MGST1: variants seen among roughly 807,000 people sequenced by gnomAD.
MGST1 encodes microsomal glutathione S-transferase 1.
Under a neutral mutation model 8.9 loss-of-function variants are expected in MGST1, and 5 were observed. That is an observed-to-expected ratio of 0.56 (90% confidence interval 0.29 to 1.19). The LOEUF is 1.19. Ranked by LOEUF, MGST1 falls within the 50% of genes most tolerant of loss-of-function variation. The probability of loss-of-function intolerance (pLI) is 0.08; values close to 1 mark genes in which losing one functional copy is unlikely to be tolerated. For missense variants in MGST1, 182 were observed against 187.4 expected (o/e 0.97, Z 0.17); for synonymous variants, 54 against 67.8 (o/e 0.80, Z 1.00).
intron 4 of MGST1, among the ~76,000 whole-genome samples, chr12:16,564,592 A>T (rs1185077807): frequency 6.6e-6 from 1 of 152,210 alleles, no homozygotes; most frequent in Non-Finnish European, 1.5e-5. Context: ...ATGTTTCTAT[A>T]GATTTTTTTA....
intron 4 of MGST1, among the ~76,000 whole-genome samples, chr12:16,480,142 C>CTTTT (rs57998683): frequency 2.3e-5 from 3 of 129,938 alleles, no homozygotes; most frequent in African/African-American, 5.7e-5. Context: ...TAAAAATTTG[C>CTTTT]TTTTTTTTTT....
rs143428582 is a variant in MGST1 at position 16,547,641 on chromosome 12, A to G, written n.483-41887A>G. On this transcript the variant is annotated intron_variant and non_coding_transcript_variant, in intron 4 of 4. Transcript: ENST00000538857. This position sits in a 1 kb window ranked among gnomAD's most constrained non-coding sequence, Gnocchi z 4.6. ...CATAGTAGGTGCGCAATAAATGTCA[A>G]TTAAACTAATGACTATTAAATCTCT... Among the ~76,000 whole-genome samples, 6 of 152,290 alleles carry G rather than the reference A, an allele frequency of 3.9e-5. No individual in the cohort carries two copies. The highest frequency in any genetic ancestry group is 7.2e-5 in the African/African-American group (3 of 41,562).
intron 1 of MGST1, among the ~76,000 whole-genome samples, chr12:16,390,176 T>C (rs1012537): frequency 0.61 from 93,048 of 151,710 alleles, 29,705 homozygotes; most frequent in East Asian, 0.96. Flanking sequence ...CTAAACCTTA[T>C]GTAATTTGAG....
At position 16,364,111 on chromosome 12, in the gene MGST1, T is replaced by C; in HGVS notation, c.*70T>C. 1 of 1,499,580 alleles carries C rather than the reference T, an allele frequency of 6.7e-7. No homozygotes were observed. The highest frequency in any genetic ancestry group is 8.9e-7 in the Non-Finnish European group (1 of 1,123,386). 92.9% of individuals were successfully genotyped at this position (1,499,580 alleles called of 1,614,324 possible). On this transcript the variant is annotated 3_prime_UTR_variant, in exon 4 of 4. Transcript: ENST00000396210. This position sits in a 1 kb window ranked among gnomAD's most constrained non-coding sequence, Gnocchi z 5.7. ...TGTACTTCCAATTTATAATGAATAC[T>C]TTCTTAGATTTTAGGTAGGAGGGGA...
intron 1 of MGST1, among the ~76,000 whole-genome samples, chr12:16,420,804 C>T (rs771121311): frequency 6.6e-6 from 1 of 152,152 alleles, no homozygotes; most frequent in Non-Finnish European, 1.5e-5. Context: ...TTAGCTGAGG[C>T]TTCTTAGCAG....
intron 4 of MGST1, among the ~76,000 whole-genome samples, chr12:16,541,793 C>T (rs1941794857): frequency 6.6e-6 from 1 of 152,068 alleles, no homozygotes. Flanking sequence ...TTCTTTAAAT[C>T]AGGCTAAGTA....
At chr12:16,400,679 T>C (rs1940647285) in intron 1 of MGST1, 7 of 1,499,116 alleles carry the variant, frequency 4.7e-6, no homozygotes, top group Middle Eastern at 2.3e-4. Context: ...GTTGCCTTCA[T>C]TCCTGCCCAG....
intron 4 of MGST1, among the ~76,000 whole-genome samples, chr12:16,543,158 A>G (rs1941802192): frequency 6.6e-6 from 1 of 152,194 alleles, no homozygotes. Flanking sequence ...TCTGACATGC[A>G]GAAGGTGCCC....
Position 16,585,516 on chromosome 12 carries a change from A to C in MGST1, n.483-4012A>C, listed in dbSNP as rs1943291520. On this transcript the variant is annotated intron_variant and non_coding_transcript_variant, in intron 4 of 4. Coordinates refer to the MGST1 transcript ENST00000538857. This position sits in a 1 kb window ranked among gnomAD's most constrained non-coding sequence, Gnocchi z 4.7. ...TTCACCTAATTTTACATATAATTGC[A>C]GATTAGAAAACTAATTTCATCACAA... Among the ~76,000 whole-genome samples, 1 of 152,214 alleles carries C rather than the reference A, an allele frequency of 6.6e-6. No homozygotes were observed. Among genetic ancestry groups the C allele is most frequent in the South Asian group, 2.1e-4 (1 of 4,832 alleles).
At chr12:16,569,520 G>A (rs929877766) in intron 4 of MGST1, among the ~76,000 whole-genome samples, 1 of 152,126 alleles carries the variant, frequency 6.6e-6, no homozygotes, top group Non-Finnish European at 1.5e-5. Context: ...TTACGAGCAG[G>A]TGTTACTGCT....
At chr12:16,356,118 C>T (rs889214787) in intron 2 of MGST1, among the ~76,000 whole-genome samples, 1 of 152,148 alleles carries the variant, frequency 6.6e-6, no homozygotes, top group African/African-American at 2.4e-5. Context: ...ACCTAATTAC[C>T]TCCCAAAGGC....
intron 1 of MGST1, among the ~76,000 whole-genome samples, chr12:16,417,555 C>A (rs558312435): frequency 6.6e-6 from 1 of 152,074 alleles, no homozygotes; most frequent in Non-Finnish European, 1.5e-5. Context: ...CAGTGCCCTG[C>A]CAATGGAGAG....
At position 16,546,329 on chromosome 12, in the gene MGST1, G is replaced by A. The variant is rs951036399; in HGVS notation, n.483-43199G>A. ...GGCCACTAAATTTGGTATAGTTAAT[G>A]CCAACCACTTTGCCCGTAAAGCCAA... On this transcript the variant is annotated intron_variant and non_coding_transcript_variant, in intron 4 of 4. Transcript: ENST00000538857. The surrounding 1 kb of genome is among the most constrained non-coding windows in gnomAD (Gnocchi z 4.7). Among the ~76,000 whole-genome samples, 4 of 152,084 alleles carry A rather than the reference G, an allele frequency of 2.6e-5. No individual in the cohort carries two copies. Among genetic ancestry groups the A allele is most frequent in the African/African-American group, 9.7e-5 (4 of 41,424 alleles).
chr12:16,545,426 A>G (rs1941817836), intron 4 of MGST1, among the ~76,000 whole-genome samples: 1 of 152,068 alleles, frequency 6.6e-6, no homozygotes, highest in African/African-American at 2.4e-5. Flanking sequence ...TCTGACATAT[A>G]TAGTTTTTCT....
intron 4 of MGST1, among the ~76,000 whole-genome samples, chr12:16,566,709 C>T (rs890242598): frequency 8.6e-5 from 13 of 152,010 alleles, no homozygotes; most frequent in African/African-American, 2.9e-4. Context: ...TCTTTATTAA[C>T]ACATACAGAT....
intron 4 of MGST1, among the ~76,000 whole-genome samples, chr12:16,564,793 G>T (rs562648865): frequency 1.5e-4 from 23 of 152,244 alleles, no homozygotes; most frequent in African/African-American, 5.1e-4. Flanking sequence ...CATAAATTTA[G>T]AAGTTATTTT....
Position 16,401,774 on chromosome 12 carries a change from T to G in MGST1, n.778+18170T>G. On this transcript the variant is annotated intron_variant and non_coding_transcript_variant, in intron 1 of 1. Transcript: ENST00000359720. The surrounding 1 kb of genome is among the most constrained non-coding windows in gnomAD (Gnocchi z 4.3). ...CGGCCTTTTCCACAGACTCAGCCAG[T>G]TTGCTGTGTCAAACTTTCTCATCTG... 1 of 1,600,850 alleles carries G rather than the reference T, an allele frequency of 6.2e-7. No individual in the cohort carries two copies. Among genetic ancestry groups the G allele is most frequent in the Non-Finnish European group, 8.6e-7 (1 of 1,167,878 alleles).
chr12:16,369,468 A>C lies in MGST1; in HGVS notation c.222-6654A>C, dbSNP rs575167596. Among the ~76,000 whole-genome samples, 57 of 152,290 alleles carry C rather than the reference A, an allele frequency of 3.7e-4. No individual in the cohort carries two copies. The highest frequency in any genetic ancestry group is 1.3e-3 in the African/African-American group (56 of 41,566). The stretch of plus-strand genomic sequence containing the variant: ...AAATTGGCTGAAACTTGGCTGATTC[A>C]GAAAGATCTCAACTAGGGTTACTTG... On this transcript the variant is annotated intron_variant, in intron 3 of 3. Transcript: ENST00000535309. The surrounding 1 kb of genome is among the most constrained non-coding windows in gnomAD (Gnocchi z 4.8).
chr12:16,384,253 A>G (rs1591713464), intron 1 of MGST1, among the ~76,000 whole-genome samples: 2 of 152,186 alleles, frequency 1.3e-5, no homozygotes, highest in Admixed American at 1.3e-4. Flanking sequence ...AATGTATCCA[A>G]CTTCTAATCC....
Sources: allele counts gnomAD v4.1 joint callset (sites outside exome capture counted in the v4.1 genomes callset), GRCh38; gene constraint gnomAD v4.1.1; non-coding constraint Gnocchi (gnomAD v3.1); transcripts MANE v1.5; gene names NCBI Gene and HGNC (gene_info 2026-07-23, HGNC 2026-07-21).